CPQ: variants seen among roughly 807,000 people sequenced by gnomAD.
CPQ encodes carboxypeptidase Q.
CPQ carries 37 observed loss-of-function variants against 45.7 expected under a neutral mutation model. The observed-to-expected ratio is 0.81, with a 90% CI of 0.62 to 1.07. The LOEUF (loss-of-function observed/expected upper bound fraction) is 1.07. Among genes scored for constraint, CPQ ranks in the 50% least tolerant of loss-of-function variants. The probability of loss-of-function intolerance (pLI) is 0.00; values close to 1 mark genes in which losing one functional copy is unlikely to be tolerated. For synonymous variants in CPQ, 186 were observed against 205.8 expected, an observed-to-expected ratio of 0.90 and a Z score of 0.82; for missense variants, 537 against 572.9, an observed-to-expected ratio of 0.94 and a Z score of 0.64.
intron 5 of CPQ, among the ~76,000 whole-genome samples, chr8:96,998,301 G>A (rs892358150): frequency 2.6e-5 from 4 of 151,582 alleles, no homozygotes; most frequent in African/African-American, 2.4e-5. Context: ...GAAATGATTA[G>A]AAATAAAAAT....
At chr8:96,727,269 G>A (rs1189103462) in intron 1 of CPQ, among the ~76,000 whole-genome samples, 1 of 152,096 alleles carries the variant, frequency 6.6e-6, no homozygotes, top group African/African-American at 2.4e-5. Context: ...TTATGAAAGA[G>A]CAAGCAGCTA....
intron 2 of CPQ, among the ~76,000 whole-genome samples, chr8:96,815,205 G>A (rs1228272149): frequency 6.6e-6 from 1 of 152,096 alleles, no homozygotes; most frequent in Non-Finnish European, 1.5e-5. Context: ...TATAAAAAGA[G>A]AGAGAGAGAA....
At chr8:96,869,193 GT>G (rs886236069) in intron 3 of CPQ, among the ~76,000 whole-genome samples, 21 of 151,796 alleles carry the variant, frequency 1.4e-4, no homozygotes, top group Admixed American at 3.3e-4. Context: ...TATTTTGGCT[GT>G]TTTCAAAAGT....
At chr8:96,661,245 G>T (rs892247112) in intron 1 of CPQ, among the ~76,000 whole-genome samples, 2 of 152,054 alleles carry the variant, frequency 1.3e-5, no homozygotes, top group Non-Finnish European at 2.9e-5. Context: ...AGATTGAGAA[G>T]GTGTAGAAAT....
intron 2 of CPQ, among the ~76,000 whole-genome samples, chr8:96,786,576 T>A (rs568115221): frequency 2.6e-5 from 4 of 152,330 alleles, no homozygotes; most frequent in African/African-American, 9.6e-5. Context: ...ATACCAGCTC[T>A]ATGTTTAACT....
intron 4 of CPQ, among the ~76,000 whole-genome samples, chr8:96,954,023 T>C (rs1813311769): frequency 6.6e-6 from 1 of 152,182 alleles, no homozygotes. Flanking sequence ...TAAACAAGAT[T>C]GTATCAAGGG....
At chr8:96,896,561 A>G (rs1379964479) in intron 4 of CPQ, among the ~76,000 whole-genome samples, 1 of 152,104 alleles carries the variant, frequency 6.6e-6, no homozygotes, top group Non-Finnish European at 1.5e-5. Flanking sequence ...AAATTAATTT[A>G]CTTAATAAGT....
intron 7 of CPQ, among the ~76,000 whole-genome samples, chr8:97,130,900 CA>C (rs79868487): frequency 1.5e-4 from 22 of 148,912 alleles, no homozygotes; most frequent in African/African-American, 3.2e-4. Flanking sequence ...GGTTTTGTGT[CA>C]AAAAAAAAAA....
intron 1 of CPQ, among the ~76,000 whole-genome samples, chr8:96,774,069 A>G (rs112653244): frequency 0.01 from 1,565 of 152,226 alleles, 26 homozygotes; most frequent in African/African-American, 0.031. Context: ...TCAGGAGTTC[A>G]AGACCAGCCT....
chr8:97,107,941 T>C (rs995786435), intron 7 of CPQ, among the ~76,000 whole-genome samples: 15 of 152,114 alleles, frequency 9.9e-5, no homozygotes, highest in African/African-American at 3.6e-4. Flanking sequence ...GCTTTGGATA[T>C]AAGCTTGAAC....
intron 2 of CPQ, among the ~76,000 whole-genome samples, chr8:96,786,510 A>C (rs748751559): frequency 1.3e-5 from 2 of 152,100 alleles, no homozygotes; most frequent in Non-Finnish European, 2.9e-5. Context: ...TTTTCATGTG[A>C]ACATTTGTTT....
intron 1 of CPQ, among the ~76,000 whole-genome samples, chr8:96,769,690 G>T (rs571829526): frequency 7.5e-4 from 110 of 146,440 alleles, no homozygotes; most frequent in African/African-American, 2.8e-3. Flanking sequence ...GGAATGCAGT[G>T]GTGCAATATT....
At chr8:96,779,642 C>G (rs1217300991) in intron 1 of CPQ, among the ~76,000 whole-genome samples, 1 of 152,004 alleles carries the variant, frequency 6.6e-6, no homozygotes, top group African/African-American at 2.4e-5. Context: ...TAATCCATCA[C>G]TAGAAATGTA....
chr8:96,674,082 A>G (rs1809041368), intron 1 of CPQ, among the ~76,000 whole-genome samples: 1 of 152,200 alleles, frequency 6.6e-6, no homozygotes, highest in Admixed American at 6.5e-5. Flanking sequence ...AATCTGTTTT[A>G]GTAGGTAATG....
chr8:97,006,737 T>C (rs1809390159), intron 5 of CPQ, among the ~76,000 whole-genome samples: 1 of 152,184 alleles, frequency 6.6e-6, no homozygotes, highest in Non-Finnish European at 1.5e-5. Flanking sequence ...CAACCCTTGC[T>C]GGCAACCCAG....
chr8:96,823,798 C>T (rs901129546), intron 2 of CPQ, among the ~76,000 whole-genome samples: 1 of 151,930 alleles, frequency 6.6e-6, no homozygotes, highest in Non-Finnish European at 1.5e-5. Context: ...TAGAGCAGTG[C>T]CTGGCATATT....
intron 4 of CPQ, among the ~76,000 whole-genome samples, chr8:96,898,670 A>G (rs923084491): frequency 2.0e-5 from 3 of 150,414 alleles, no homozygotes; most frequent in African/African-American, 7.3e-5. Flanking sequence ...AGATATACCT[A>G]ATGCTAGATG....
intron 2 of CPQ, among the ~76,000 whole-genome samples, chr8:96,817,450 A>G (rs998350391): frequency 2.0e-5 from 3 of 152,156 alleles, no homozygotes; most frequent in Non-Finnish European, 4.4e-5. Context: ...TCTTTCAGCC[A>G]TCATAGAATT....
intron 3 of CPQ, among the ~76,000 whole-genome samples, chr8:96,842,034 G>A (rs1159884096): frequency 6.6e-6 from 1 of 152,182 alleles, no homozygotes; most frequent in South Asian, 2.1e-4. Flanking sequence ...TGTTAAGAAA[G>A]CATCTTGATG....
Sources: gnomAD v4.1 joint callset for allele counts (sites outside exome capture counted in the v4.1 genomes callset) on GRCh38, gnomAD v4.1.1 for gene constraint, MANE v1.5 for transcripts, NCBI Gene and HGNC (gene_info 2026-07-23, HGNC 2026-07-21) for gene names.